TRIM67: variants seen among roughly 807,000 people sequenced by gnomAD.
TRIM67 encodes the protein tripartite motif-containing protein 67.
Under a neutral mutation model 71.0 loss-of-function variants are expected in TRIM67, and 39 were observed. That is an observed-to-expected ratio of 0.55 (90% CI 0.43 to 0.72). The LOEUF (loss-of-function observed/expected upper bound fraction) is 0.72, where lower values mean the gene tolerates loss of function less well. Among genes scored for constraint, TRIM67 ranks in the 30% least tolerant of loss-of-function variants. The pLI, the probability that TRIM67 is intolerant of heterozygous loss-of-function variation, is 0.00. For synonymous variants in TRIM67, 481 were observed against 473.9 expected (o/e 1.01, Z -0.19); for missense variants, 973 against 1,079.2 (o/e 0.90, Z 1.38).
rs779835137 is a variant in TRIM67 at position 231,209,062 on chromosome 1, G to A, written c.1935G>A (p.Ala645=). 1.9e-5 allele frequency: 31 copies of A among 1,613,888 alleles called. No homozygotes were observed. The highest frequency in any genetic ancestry group is 1.3e-4 in the East Asian group (6 of 44,876). ...YDDRVVLGTA[A]FSKGVHYWEL... ...ACCGGGTGGTGCTGGGCACAGCTGC[G>A]TTCTCCAAGGGCGTGCACTACTGGG... Residue 645 remains alanine (A), a synonymous_variant, in exon 8 of 10, where the codon GCG becomes GCA. Coordinates refer to ENST00000366653, the MANE Select transcript of TRIM67 (RefSeq NM_001004342.5). This position sits in a 1 kb window ranked among gnomAD's most constrained non-coding sequence, Gnocchi z 4.1.
rs1682355701 is a variant in TRIM67 at position 231,163,510 on chromosome 1, C to G, written c.541C>G (p.Leu181Val). Residue 181 changes from leucine to valine, a missense_variant, in exon 1 of 10, where the codon CTG (leucine) becomes GTG (valine). This residue lies in a region of TRIM67 where 795 missense variants were observed against 831.3 expected (regional missense o/e 0.96). Coordinates refer to ENST00000366653, the MANE Select transcript of TRIM67 (RefSeq NM_001004342.5). ...CCTGCGCGGCTTCCAGCGCAACCGGCTGCTCGAGGCCATCGTGCAGCGGTA... is the reference window on the plus strand; with the variant it reads ...CCTGCGCGGCTTCCAGCGCAACCGGGTGCTCGAGGCCATCGTGCAGCGGTA... ...RGLRGFQRNR[L>V]LEAIVQRYQQ... The G allele has an allele frequency of 2.0e-6, 3 of 1,517,558 alleles. No homozygotes were observed. Among genetic ancestry groups the G allele is most frequent in the Admixed American group, 4.0e-5 (2 of 49,414 alleles). The allele number at this position is 1,517,558 out of a possible 1,614,324, so 94.0% of individuals were successfully genotyped here. A position where few individuals can be genotyped will look rare whatever the true frequency, so the allele number is the denominator to read the frequency against.
At chr1:231,186,102 CG>C (rs1166078859) in intron 1 of TRIM67, 2 of 1,533,022 alleles carry the variant, frequency 1.3e-6, no homozygotes, top group East Asian at 4.9e-5. Flanking sequence ...GGCTGGCAGT[CG>C]CTTGCTGAAT....
At position 231,213,799 on chromosome 1, in the gene TRIM67, G is replaced by A. The variant is rs772336188; in HGVS notation, c.2124-16G>A. Reference sequence around the variant, plus strand: ...GCTGGGTGTGGTGATGGTCTTCCTGGGGACTCTCTTCCCAGGACGGAAGGT... The same window carrying A: ...GCTGGGTGTGGTGATGGTCTTCCTGAGGACTCTCTTCCCAGGACGGAAGGT... On this transcript the variant is annotated splice_polypyrimidine_tract_variant and intron_variant, in intron 8 of 9. Transcript: ENST00000366653. The A allele has an allele frequency of 1.3e-6, 2 of 1,564,462 alleles. No homozygotes were observed. The highest frequency in any genetic ancestry group is 1.7e-6 in the Non-Finnish European group (2 of 1,152,266).
intron 8 of TRIM67, among the ~76,000 whole-genome samples, chr1:231,210,137 AG>A (rs2102761719): frequency 6.6e-6 from 1 of 152,298 alleles, no homozygotes; most frequent in South Asian, 2.1e-4. Flanking sequence ...TGCAAGTTGC[AG>A]CCACCTGAAG....
chr1:231,219,436 C>G lies in TRIM67; in HGVS notation c.*3996C>G. ...TCCGGCTGCTTTGTTCCATAGAAAGCCTGTATGTGACAAAGCTGCCAGCCT... is the reference window on the plus strand; with the variant it reads ...TCCGGCTGCTTTGTTCCATAGAAAGGCTGTATGTGACAAAGCTGCCAGCCT... On this transcript the variant is annotated 3_prime_UTR_variant, in exon 10 of 10. Coordinates refer to ENST00000366653, the MANE Select transcript of TRIM67 (RefSeq NM_001004342.5). The G allele has an allele frequency of 9.7e-7, 1 of 1,033,338 alleles. No individual in the cohort carries two copies. 64.0% of individuals were successfully genotyped at this position (1,033,338 alleles called of 1,614,324 possible).
intron 1 of TRIM67, chr1:231,186,107 G>A (rs1683066763): frequency 1.3e-6 from 2 of 1,533,232 alleles, no homozygotes; most frequent in Non-Finnish European, 1.7e-6. Context: ...GCAGTCGCTT[G>A]CTGAATGAAT....
chr1:231,218,277 A>G lies in TRIM67; in HGVS notation c.*2837A>G. ...ATCATGGTGGCACATTTGTACATAC[A>G]TATAAATGATATCAAGATGAGGCTT... On this transcript the variant is annotated 3_prime_UTR_variant, in exon 10 of 10. Coordinates refer to ENST00000366653, the MANE Select transcript of TRIM67 (RefSeq NM_001004342.5). The G allele has an allele frequency of 7.1e-6, 7 of 988,112 alleles. No individual in the cohort carries two copies. Among genetic ancestry groups the G allele is most frequent in the Non-Finnish European group, 8.4e-6 (7 of 831,580 alleles). The allele number at this position is 988,112 out of a possible 1,614,324, so 61.2% of individuals were successfully genotyped here.
In TRIM67 at chr1:231,215,710, C is replaced by A; in HGVS notation, c.*270C>A. On this transcript the variant is annotated 3_prime_UTR_variant, in exon 10 of 10. Coordinates refer to ENST00000366653, the MANE Select transcript of TRIM67 (RefSeq NM_001004342.5). ...CATTACGAACACTCCCCAAGAAGGA[C>A]CTTTCTCAAGGGAGTCAGCATTCGG... is the stretch of plus-strand genomic sequence containing the variant. 1 of 1,225,544 alleles carries A rather than the reference C, an allele frequency of 8.2e-7. No individual in the cohort carries two copies. Among genetic ancestry groups the A allele is most frequent in the Non-Finnish European group, 1.0e-6 (1 of 982,518 alleles). The allele number at this position is 1,225,544 out of a possible 1,614,324, so 75.9% of individuals were successfully genotyped here.
chr1:231,217,619 A>C lies in TRIM67; in HGVS notation c.*2179A>C. 8.9e-7 allele frequency: 1 copy of C among 1,121,312 alleles called. No individual in the cohort carries two copies. Among genetic ancestry groups the C allele is most frequent in the Non-Finnish European group, 1.1e-6 (1 of 903,512 alleles). 69.5% of individuals were successfully genotyped at this position (1,121,312 alleles called of 1,614,324 possible). A position where few individuals can be genotyped will look rare whatever the true frequency, so the allele number is the denominator to read the frequency against. On this transcript the variant is annotated 3_prime_UTR_variant, in exon 10 of 10. Transcript: ENST00000366653. ...AAAAACAGGCCTACACCCTGCCCCC[A>C]GAATGAGAGTGGGCTAGGCAGGGCT...
rs548659935 is a variant in TRIM67 at position 231,166,184 on chromosome 1, TCTCAATTTTGTGACATC to T, written c.1044+2175_1044+2191del. The stretch of plus-strand genomic sequence containing the variant: ...ACTGTGGGAATATGACTATGCAGGA[TCTCAATTTTGTGACATC>T]CTCCTAAATCCAGAAGGAACACTAC... On this transcript the variant is annotated intron_variant, in intron 1 of 9. Transcript: ENST00000366653. Among the ~76,000 whole-genome samples the T allele has an allele frequency of 8.9e-4, 136 of 152,310 alleles. 4 individuals are homozygous for T. Among genetic ancestry groups the T allele is most frequent in the Non-Finnish European group, 3.1e-4 (21 of 68,036 alleles).
At chr1:231,213,150 G>T (rs1343896852) in intron 8 of TRIM67, among the ~76,000 whole-genome samples, 3 of 152,166 alleles carry the variant, frequency 2.0e-5, no homozygotes, top group African/African-American at 7.2e-5. Flanking sequence ...CGCCAAGTCA[G>T]TTATTTTCTT....
Position 231,217,863 on chromosome 1 carries a change from TC to T in TRIM67, c.*2425del. On this transcript the variant is annotated 3_prime_UTR_variant, in exon 10 of 10. Coordinates refer to ENST00000366653, the MANE Select transcript of TRIM67 (RefSeq NM_001004342.5). ...AGTGCAGGAGGGTAATGCCCTCAAATCCGGTGGCCTCTTTCAGAAAAAAGTT... is the reference window on the plus strand; with the variant it reads ...AGTGCAGGAGGGTAATGCCCTCAAATCGGTGGCCTCTTTCAGAAAAAAGTT... The T allele has an allele frequency of 7.8e-7, 1 of 1,289,604 alleles. No individual in the cohort carries two copies. The highest frequency in any genetic ancestry group is 5.6e-5 in the East Asian group (1 of 18,018). 79.9% of individuals were successfully genotyped at this position (1,289,604 alleles called of 1,614,324 possible).
At chr1:231,212,825 T>G (rs1305304504) in intron 8 of TRIM67, among the ~76,000 whole-genome samples, 4 of 152,262 alleles carry the variant, frequency 2.6e-5, no homozygotes, top group African/African-American at 9.6e-5. Flanking sequence ...TTACTTTTAT[T>G]ATAGATTCAC....
intron 1 of TRIM67, among the ~76,000 whole-genome samples, chr1:231,185,426 AC>A (rs530280750): frequency 6.6e-6 from 1 of 151,694 alleles, no homozygotes; most frequent in South Asian, 2.1e-4. Flanking sequence ...CCACGGCGGG[AC>A]CCCCAGGAAG....
chr1:231,213,704 C>T (rs1683932686), intron 8 of TRIM67, 111 bp from the exon 9 acceptor site: 11 of 1,340,844 alleles, frequency 8.2e-6, no homozygotes, highest in Non-Finnish European at 1.1e-5. Context: ...GCACTCCAGC[C>T]TGGGTGACAG....
At chr1:231,183,661 C>T (rs368065196) in intron 1 of TRIM67, among the ~76,000 whole-genome samples, 13 of 152,196 alleles carry the variant, frequency 8.5e-5, no homozygotes, top group African/African-American at 2.9e-4. Flanking sequence ...CTTGAGCACT[C>T]ACAGAATCAA....
At chr1:231,199,305 G>C (rs1683457413) in intron 3 of TRIM67, 136 bp downstream of exon 3, 1 of 872,780 alleles carries the variant, frequency 1.1e-6, no homozygotes, top group Non-Finnish European at 1.8e-6. Context: ...AATGAGGCAA[G>C]GAAGGGATGC....
At chr1:231,198,506 C>A (rs1346567362) in intron 2 of TRIM67, among the ~76,000 whole-genome samples, 2 of 152,180 alleles carry the variant, frequency 1.3e-5, no homozygotes, top group Admixed American at 6.5e-5. Context: ...CCTGCCTCAG[C>A]CCCCTGAGTA....
At chr1:231,208,623 G>A (rs1184948505) in intron 7 of TRIM67, among the ~76,000 whole-genome samples, 1 of 152,102 alleles carries the variant, frequency 6.6e-6, no homozygotes, top group African/African-American at 2.4e-5. Flanking sequence ...ATTTCCTCCT[G>A]TATTTCTAAC....
Sources: allele counts gnomAD v4.1 joint callset (sites outside exome capture counted in the v4.1 genomes callset), GRCh38; gene constraint gnomAD v4.1.1; regional missense constraint gnomAD v4.1.1; non-coding constraint Gnocchi (gnomAD v3.1); transcripts MANE v1.5; gene names NCBI Gene and HGNC (gene_info 2026-07-23, HGNC 2026-07-21).